The following PACSIN2 variants were observed in gnomAD, a reference collection of about 807,000 sequenced individuals.
PACSIN2 encodes protein kinase C and casein kinase substrate in neurons 2.
In PACSIN2, 25 loss-of-function variants were observed where a neutral mutation model predicts 63.8. The observed-to-expected ratio is 0.39, with a 90% CI of 0.29 to 0.55. The LOEUF (loss-of-function observed/expected upper bound fraction) is 0.55, where lower values mean the gene tolerates loss of function less well. Among genes scored for constraint, PACSIN2 ranks in the 20% least tolerant of loss-of-function variants. PACSIN2 has a pLI of 0.62. For synonymous variants in PACSIN2, 255 were observed against 256.2 expected, an observed-to-expected ratio of 1.00 and a Z score of 0.05; for missense variants, 518 against 646.9, an observed-to-expected ratio of 0.80 and a Z score of 2.16.
intron 1 of PACSIN2, among the ~76,000 whole-genome samples, chr22:42,924,652 G>T (rs957612103): frequency 6.6e-6 from 1 of 152,086 alleles, no homozygotes; most frequent in East Asian, 1.9e-4. Flanking sequence ...CTCCTCCGCT[G>T]GTCTGGGCAC....
chr22:43,005,547 G>A (rs1280011112), intron 1 of PACSIN2, among the ~76,000 whole-genome samples: 1 of 152,184 alleles, frequency 6.6e-6, no homozygotes, highest in Non-Finnish European at 1.5e-5. Flanking sequence ...AGGGCAGGAG[G>A]CCTCACCCAC....
chr22:42,893,137 G>A (rs1456380707), intron 3 of PACSIN2, among the ~76,000 whole-genome samples: 1 of 152,212 alleles, frequency 6.6e-6, no homozygotes, highest in African/African-American at 2.4e-5. Flanking sequence ...AAGGTGCCAA[G>A]CGGCAAGGCC....
intron 1 of PACSIN2, among the ~76,000 whole-genome samples, chr22:42,921,451 C>T (rs1366937640): frequency 6.6e-6 from 1 of 151,980 alleles, no homozygotes; most frequent in South Asian, 2.1e-4. Context: ...TGGGGCATTG[C>T]CCAGACTCTT....
At chr22:42,937,934 G>A (rs1932982174) in intron 1 of PACSIN2, among the ~76,000 whole-genome samples, 1 of 152,198 alleles carries the variant, frequency 6.6e-6, no homozygotes. Context: ...GGAGAACTCT[G>A]GAATGACAGC....
intron 1 of PACSIN2, among the ~76,000 whole-genome samples, chr22:42,927,697 C>A (rs973215467): frequency 2.0e-5 from 3 of 152,074 alleles, no homozygotes; most frequent in African/African-American, 7.2e-5. Context: ...AAGCGATTCT[C>A]CTGCCTCAGC....
intron 1 of PACSIN2, among the ~76,000 whole-genome samples, chr22:42,922,082 C>T (rs1037544714): frequency 2.6e-5 from 4 of 152,228 alleles, no homozygotes; most frequent in African/African-American, 9.6e-5. Context: ...CCGGGAATGA[C>T]TGAGGTATTG....
At position 42,893,443 on chromosome 22, in the gene PACSIN2, C is replaced by T. The variant is rs1261082865; in HGVS notation, c.217+14G>A. ...CTGCCTCCAGGCCACAGGACCTGTG[C>T]CGGGGCCCCATACCTTTCTCCACGA... On this transcript the variant is annotated intron_variant, in intron 3 of 10. Coordinates refer to ENST00000263246, the MANE Select transcript of PACSIN2 (RefSeq NM_001184970.3). The T allele has an allele frequency of 6.2e-7, 1 of 1,609,116 alleles. No homozygotes were observed. The highest frequency in any genetic ancestry group is 2.2e-5 in the East Asian group (1 of 44,878).
chr22:42,935,681 C>T (rs564221491), intron 1 of PACSIN2, among the ~76,000 whole-genome samples: 8 of 152,166 alleles, frequency 5.3e-5, no homozygotes, highest in African/African-American at 1.7e-4. Flanking sequence ...AAAGTGTTTC[C>T]ACAGAGACAA....
At chr22:42,956,028 A>G (rs1194049637) in intron 1 of PACSIN2, among the ~76,000 whole-genome samples, 2 of 152,232 alleles carry the variant, frequency 1.3e-5, no homozygotes, top group Non-Finnish European at 2.9e-5. Context: ...TGTCCTGTTA[A>G]TTACATCAAC....
chr22:42,986,030 T>TCACGCTTGACTTTCCAAAC (rs1287335035), intron 1 of PACSIN2, among the ~76,000 whole-genome samples: 160 of 152,304 alleles, frequency 1.1e-3, no homozygotes, highest in African/African-American at 3.8e-3. Context: ...GTCAGGAGGC[T>TCACGCTTGACTTTCCAAAC]CACGCTTGAC....
intron 1 of PACSIN2, among the ~76,000 whole-genome samples, chr22:42,998,509 C>A (rs957925128): frequency 6.6e-6 from 1 of 152,192 alleles, no homozygotes; most frequent in African/African-American, 2.4e-5. Flanking sequence ...TTTTAAAGAT[C>A]AATAAGGTTG....
intron 1 of PACSIN2, chr22:42,993,918 G>T (rs939397771): frequency 3.3e-5 from 5 of 152,200 alleles, no homozygotes; most frequent in African/African-American, 1.2e-4. Context: ...GCTGAAGAAG[G>T]GAAGTGCCTT....
intron 6 of PACSIN2, among the ~76,000 whole-genome samples, chr22:42,883,388 CG>C (rs2146649544): frequency 6.6e-6 from 1 of 152,274 alleles, no homozygotes; most frequent in East Asian, 1.9e-4. Context: ...GGGAGACAAA[CG>C]GAATGTGTCT....
intron 1 of PACSIN2, among the ~76,000 whole-genome samples, chr22:43,011,334 A>T (rs1924474863): frequency 6.6e-6 from 1 of 152,242 alleles, no homozygotes; most frequent in Non-Finnish European, 1.5e-5. Flanking sequence ...CATTAATCGC[A>T]TAATCTACAG....
At chr22:42,944,074 G>A (rs1006037094) in intron 1 of PACSIN2, among the ~76,000 whole-genome samples, 1 of 152,122 alleles carries the variant, frequency 6.6e-6, no homozygotes, top group Non-Finnish European at 1.5e-5. Context: ...GGTAGTCCTG[G>A]CCACATCAGT....
At chr22:42,878,559 A>C (rs1928823476) in intron 8 of PACSIN2, among the ~76,000 whole-genome samples, 1 of 152,194 alleles carries the variant, frequency 6.6e-6, no homozygotes, top group South Asian at 2.1e-4. Context: ...CAATGCTCCT[A>C]GTGAAGAGGT....
chr22:42,957,830 T>A (rs1933976136), intron 1 of PACSIN2, among the ~76,000 whole-genome samples: 1 of 152,142 alleles, frequency 6.6e-6, no homozygotes, highest in African/African-American at 2.4e-5. Flanking sequence ...GTGATTGTAT[T>A]AAGTTTGGCA....
At chr22:42,883,440 C>T (rs1404936260) in intron 6 of PACSIN2, among the ~76,000 whole-genome samples, 2 of 152,244 alleles carry the variant, frequency 1.3e-5, no homozygotes, top group African/African-American at 4.8e-5. Context: ...CATCCCTACA[C>T]GGTTCTGCTA....
intron 2 of PACSIN2, among the ~76,000 whole-genome samples, chr22:42,898,341 G>A (rs867312598): frequency 2.6e-5 from 4 of 151,150 alleles, no homozygotes; most frequent in Non-Finnish European, 5.9e-5. Flanking sequence ...GTGCGATCTC[G>A]GCTCACCACA....
Sources: gnomAD v4.1 joint callset for allele counts (sites outside exome capture counted in the v4.1 genomes callset) on GRCh38, gnomAD v4.1.1 for gene constraint, MANE v1.5 for transcripts, NCBI Gene and HGNC (gene_info 2026-07-23, HGNC 2026-07-21) for gene names.